The following PPM1L variants were observed in gnomAD, a reference collection of about 807,000 sequenced individuals.
PPM1L encodes the protein protein phosphatase 1L.
In PPM1L, 13 loss-of-function variants were observed where a neutral mutation model predicts 31.4. The ratio of observed to expected loss-of-function variants is 0.41; its 90% CI spans 0.27 to 0.66. The LOEUF (loss-of-function observed/expected upper bound fraction) is 0.66. Ranked by LOEUF, PPM1L falls within the 30% of genes least tolerant of loss-of-function variation. The probability of loss-of-function intolerance (pLI) is 0.29; values close to 1 mark genes in which losing one functional copy is unlikely to be tolerated. For synonymous variants in PPM1L, 184 were observed against 175.4 expected (o/e 1.05, Z -0.39); for missense variants, 326 against 453.7 (o/e 0.72, Z 2.56).
rs888464441 is a variant in PPM1L, at chr3:160,948,368, G to A, written c.400-13368G>A. On this transcript the variant is annotated intron_variant, in intron 1 of 3. Transcript: ENST00000498165. ...TTTCAAACCTTGTTTGCATAGTTAT[G>A]CAACACTGCCGGTGATGCTGAGTTC... Among the ~76,000 whole-genome samples, 18 of 152,232 alleles carry A rather than the reference G, an allele frequency of 1.2e-4. No individual in the cohort carries two copies. In the East Asian group the frequency reaches 2.5e-3, roughly 21 times the overall value.
chr3:161,049,820 C>T (rs962995543), intron 2 of PPM1L, among the ~76,000 whole-genome samples: 2 of 152,168 alleles, frequency 1.3e-5, no homozygotes, highest in African/African-American at 4.8e-5. Context: ...CCAGCCCTGC[C>T]CTCCATCAGC....
At chr3:160,870,219 A>G (rs774400305) in intron 1 of PPM1L, among the ~76,000 whole-genome samples, 12 of 152,318 alleles carry the variant, frequency 7.9e-5, no homozygotes, top group African/African-American at 2.6e-4. Flanking sequence ...ACAGAGTGCT[A>G]TAACTACATC....
chr3:160,808,781 C>A (rs1389588536), intron 1 of PPM1L, among the ~76,000 whole-genome samples: 1 of 152,180 alleles, frequency 6.6e-6, no homozygotes, highest in Non-Finnish European at 1.5e-5. Flanking sequence ...GATCTCTCTT[C>A]ACAGCCTAGT....
chr3:160,877,715 G>C (rs1712565520), intron 1 of PPM1L, among the ~76,000 whole-genome samples: 1 of 152,186 alleles, frequency 6.6e-6, no homozygotes, highest in Non-Finnish European at 1.5e-5. Context: ...GACCTGAGGA[G>C]GTGATGTCTG....
intron 1 of PPM1L, among the ~76,000 whole-genome samples, chr3:160,901,264 C>T (rs2108053775): frequency 6.6e-6 from 1 of 152,220 alleles, no homozygotes; most frequent in East Asian, 1.9e-4. Context: ...GTCCTGGTCT[C>T]CCCACCCAAA....
chr3:160,850,335 G>A (rs1200833048), intron 1 of PPM1L, among the ~76,000 whole-genome samples: 1 of 152,166 alleles, frequency 6.6e-6, no homozygotes, highest in Non-Finnish European at 1.5e-5. Flanking sequence ...ACACTGATGG[G>A]TGCTAAAAGT....
chr3:160,952,398 A>G (rs1240705602), intron 1 of PPM1L, among the ~76,000 whole-genome samples: 2 of 152,180 alleles, frequency 1.3e-5, no homozygotes, highest in Admixed American at 6.5e-5. Flanking sequence ...CCTGCAATAA[A>G]ATATTACTCC....
chr3:160,821,788 A>G (rs1229068527), intron 1 of PPM1L, among the ~76,000 whole-genome samples: 1 of 151,756 alleles, frequency 6.6e-6, no homozygotes, highest in East Asian at 1.9e-4. Flanking sequence ...ATTATTTTCT[A>G]GTAGAACTTT....
At position 160,841,922 on chromosome 3, in the gene PPM1L, A is replaced by C. The variant is rs113582426; in HGVS notation, c.399+85215A>C. 3.7e-3 allele frequency among the ~76,000 whole-genome samples: 560 copies of C among 152,298 alleles called. 5 individuals are homozygous for C. Among genetic ancestry groups the C allele is most frequent in the Middle Eastern group, 0.017 (5 of 294 alleles). ...TAGCTTCCTTGCATGAGTGCTTTAA[A>C]ATTTATTAGCTGAAGCTCAGGTAAT... On this transcript the variant is annotated intron_variant, in intron 1 of 3. Coordinates refer to ENST00000498165, the MANE Select transcript of PPM1L (RefSeq NM_139245.4).
intron 1 of PPM1L, among the ~76,000 whole-genome samples, chr3:160,835,814 A>C (rs556835967): frequency 6.6e-6 from 1 of 152,196 alleles, no homozygotes; most frequent in South Asian, 2.1e-4. Flanking sequence ...CAAGAGTTCT[A>C]TAGTATCTTT....
At chr3:160,786,187 GTA>G (rs1190262298) in intron 1 of PPM1L, among the ~76,000 whole-genome samples, 643 of 39,430 alleles carry the variant, frequency 0.016, 24 homozygotes, top group Middle Eastern at 0.045. Context: ...GTGTGTGTGT[GTA>G]TATATATATA....
At position 160,762,804 on chromosome 3, in the gene PPM1L, T is replaced by A. The variant is rs370566284; in HGVS notation, c.399+6097T>A. 7.2e-5 allele frequency among the ~76,000 whole-genome samples: 11 copies of A among 152,248 alleles called. No individual in the cohort carries two copies. The East Asian group carries it at 2.1e-3, about 29-fold the overall frequency. On this transcript the variant is annotated intron_variant, in intron 1 of 3. Coordinates refer to ENST00000498165, the MANE Select transcript of PPM1L (RefSeq NM_139245.4). ...GCAGGCACCGTTGGAAGAAGGCAGG[T>A]AGTCTTATTTGTCAGGAGTAGGCTT...
At chr3:160,941,732 C>A (rs1715169724) in intron 1 of PPM1L, among the ~76,000 whole-genome samples, 1 of 152,154 alleles carries the variant, frequency 6.6e-6, no homozygotes, top group Non-Finnish European at 1.5e-5. Context: ...CATGGTGTTT[C>A]TGAGGCTTCT....
intron 1 of PPM1L, among the ~76,000 whole-genome samples, chr3:160,915,170 G>C (rs567684972): frequency 9.9e-5 from 15 of 152,230 alleles, no homozygotes; most frequent in Middle Eastern, 6.8e-3. Context: ...CATCGTCTCA[G>C]CCCAAAATCT....
At chr3:160,953,883 G>A (rs1715650170) in intron 1 of PPM1L, among the ~76,000 whole-genome samples, 1 of 152,044 alleles carries the variant, frequency 6.6e-6, no homozygotes, top group South Asian at 2.1e-4. Context: ...TTCCAATTAC[G>A]CAGCATTGAA....
chr3:160,975,947 G>A (rs1433072975), intron 2 of PPM1L, among the ~76,000 whole-genome samples: 4 of 148,490 alleles, frequency 2.7e-5, no homozygotes, highest in African/African-American at 1.0e-4. Context: ...TCCCTGTCTT[G>A]TGGCAGTTTT....
intron 1 of PPM1L, among the ~76,000 whole-genome samples, chr3:160,777,805 GT>G (rs922207468): frequency 2.6e-5 from 4 of 152,050 alleles, no homozygotes; most frequent in African/African-American, 9.7e-5. Context: ...CTTGGCTATT[GT>G]GACTAGTACT....
chr3:160,812,356 T>C (rs533403119), intron 1 of PPM1L, among the ~76,000 whole-genome samples: 1 of 152,312 alleles, frequency 6.6e-6, no homozygotes, highest in Middle Eastern at 3.4e-3. Context: ...AGACAAGGGA[T>C]TTAAACCATT....
chr3:160,767,964 T>C (rs1407920450), intron 1 of PPM1L, among the ~76,000 whole-genome samples: 6 of 152,208 alleles, frequency 3.9e-5, no homozygotes, highest in Non-Finnish European at 8.8e-5. Context: ...ATAAGTCTCT[T>C]AATGACACCG....
Sources: gnomAD v4.1 joint callset for allele counts (sites outside exome capture counted in the v4.1 genomes callset) on GRCh38, gnomAD v4.1.1 for gene constraint, MANE v1.5 for transcripts, NCBI Gene and HGNC (gene_info 2026-07-23, HGNC 2026-07-21) for gene names.